The following CAMKMT variants were observed in gnomAD, a reference collection of about 807,000 sequenced individuals.
The protein encoded by CAMKMT is calmodulin-lysine N-methyltransferase.
Under a neutral mutation model 48.0 loss-of-function variants are expected in CAMKMT, and 53 were observed. The observed-to-expected ratio is 1.10, with a 90% CI of 0.89 to 1.39. The LOEUF is 1.39. Ranked by LOEUF, CAMKMT falls within the 40% of genes most tolerant of loss-of-function variation. The pLI is 0.00. For synonymous variants in CAMKMT, 165 were observed against 152.3 expected (o/e 1.08, Z -0.61); for missense variants, 428 against 402.7 (o/e 1.06, Z -0.54).
intron 3 of CAMKMT, among the ~76,000 whole-genome samples, chr2:44,652,629 G>A (rs957783729): frequency 2.6e-5 from 4 of 152,184 alleles, no homozygotes; most frequent in Admixed American, 6.5e-5. Flanking sequence ...AGTAACAAGC[G>A]CATGCACACA....
chr2:44,721,664 A>AC (rs1295607395), intron 7 of CAMKMT, among the ~76,000 whole-genome samples: 1 of 152,076 alleles, frequency 6.6e-6, no homozygotes, highest in African/African-American at 2.4e-5. Context: ...TATTTTCATC[A>AC]CCCCCAAAAG....
At chr2:44,396,114 C>G (rs953917993) in intron 3 of CAMKMT, among the ~76,000 whole-genome samples, 5 of 151,882 alleles carry the variant, frequency 3.3e-5, no homozygotes, top group African/African-American at 9.6e-5. Context: ...TACTATATGC[C>G]AAAATAAATT....
At chr2:44,528,180 AT>A (rs889339955) in intron 3 of CAMKMT, among the ~76,000 whole-genome samples, 5 of 151,692 alleles carry the variant, frequency 3.3e-5, no homozygotes, top group East Asian at 1.9e-4. Flanking sequence ...AAATATAAGC[AT>A]TTTTTTTCTT....
Position 44,705,723 on chromosome 2 carries a change from T to C in CAMKMT, c.438-564T>C, listed in dbSNP as rs1407196433. On this transcript the variant is annotated intron_variant, in intron 4 of 10. Coordinates refer to ENST00000378494, the MANE Select transcript of CAMKMT (RefSeq NM_024766.5). ...TGTGATTTAAGTGTTAATTGCTAAA[T>C]GCTCTTTGTGTAATTGTTCTTTATG... Among the ~76,000 whole-genome samples the C allele has an allele frequency of 2.6e-5, 4 of 152,214 alleles. No homozygotes were observed. The South Asian group carries it at 8.3e-4, about 32-fold the overall frequency.
intron 7 of CAMKMT, among the ~76,000 whole-genome samples, chr2:44,742,688 G>T (rs1384976313): frequency 6.6e-6 from 1 of 152,114 alleles, no homozygotes; most frequent in South Asian, 2.1e-4. Context: ...TATATGAAAA[G>T]AACTTTTGGG....
intron 3 of CAMKMT, among the ~76,000 whole-genome samples, chr2:44,663,530 G>C (rs944286426): frequency 6.6e-6 from 1 of 152,120 alleles, no homozygotes; most frequent in Admixed American, 6.5e-5. Flanking sequence ...CTTTTAAAAG[G>C]TTCATTATTC....
chr2:44,474,632 C>G (rs1668593124), intron 3 of CAMKMT, among the ~76,000 whole-genome samples: 1 of 152,068 alleles, frequency 6.6e-6, no homozygotes, highest in Non-Finnish European at 1.5e-5. Context: ...CCAACTAGAC[C>G]TATAATCTCT....
intron 3 of CAMKMT, among the ~76,000 whole-genome samples, chr2:44,420,380 A>AT (rs1253813697): frequency 1.3e-5 from 2 of 152,114 alleles, no homozygotes; most frequent in East Asian, 3.8e-4. Context: ...GGCAATATAT[A>AT]TGTAGAGATA....
intron 3 of CAMKMT, among the ~76,000 whole-genome samples, chr2:44,612,547 C>T (rs1170603761): frequency 1.3e-5 from 2 of 152,120 alleles, no homozygotes; most frequent in African/African-American, 4.8e-5. Flanking sequence ...TTTCCCTATT[C>T]TTAGGACTAA....
intron 3 of CAMKMT, among the ~76,000 whole-genome samples, chr2:44,479,308 G>T (rs1166541318): frequency 4.6e-5 from 7 of 152,050 alleles, no homozygotes; most frequent in Admixed American, 4.6e-4. Flanking sequence ...GTCTTGGTTG[G>T]TATGGCATGG....
intron 3 of CAMKMT, among the ~76,000 whole-genome samples, chr2:44,507,572 T>A (rs1670326725): frequency 1.3e-5 from 2 of 152,198 alleles, no homozygotes; most frequent in African/African-American, 4.8e-5. Flanking sequence ...AGTGATCTCC[T>A]CATCATTTTA....
At chr2:44,652,482 C>G (rs749407822) in intron 3 of CAMKMT, among the ~76,000 whole-genome samples, 5 of 152,286 alleles carry the variant, frequency 3.3e-5, no homozygotes, top group Non-Finnish European at 7.3e-5. Context: ...ATGACAACCC[C>G]TCTGGGGTCT....
At chr2:44,387,653 A>C (rs902681222) in intron 2 of CAMKMT, among the ~76,000 whole-genome samples, 8 of 151,914 alleles carry the variant, frequency 5.3e-5, no homozygotes, top group African/African-American at 1.9e-4. Context: ...AAGAGGTTCT[A>C]CTTTGATGTG....
intron 3 of CAMKMT, among the ~76,000 whole-genome samples, chr2:44,694,811 A>G (rs1453212946): frequency 6.6e-6 from 1 of 152,232 alleles, no homozygotes; most frequent in Non-Finnish European, 1.5e-5. Flanking sequence ...CAAAATGACC[A>G]TAGATATGCA....
intron 3 of CAMKMT, among the ~76,000 whole-genome samples, chr2:44,401,495 T>G (rs1682373898): frequency 6.6e-6 from 1 of 151,866 alleles, no homozygotes; most frequent in African/African-American, 2.4e-5. Flanking sequence ...AGGCGGAGGT[T>G]GCAGTGAGCT....
intron 3 of CAMKMT, among the ~76,000 whole-genome samples, chr2:44,400,375 C>T (rs1329818361): frequency 6.6e-6 from 1 of 151,882 alleles, no homozygotes; most frequent in Non-Finnish European, 1.5e-5. Flanking sequence ...ATCTAATGGC[C>T]CGAGTCTGAG....
intron 3 of CAMKMT, among the ~76,000 whole-genome samples, chr2:44,425,774 A>C (rs1032171565): frequency 6.7e-6 from 1 of 150,154 alleles, no homozygotes; most frequent in Non-Finnish European, 1.5e-5. Context: ...CTTGTTGCCC[A>C]GGCTGGAGTG....
chr2:44,370,511 C>T (rs1679064008), intron 1 of CAMKMT, among the ~76,000 whole-genome samples: 1 of 152,074 alleles, frequency 6.6e-6, no homozygotes, highest in Non-Finnish European at 1.5e-5. Context: ...ATAGTAACCT[C>T]CCTGTATCAC....
chr2:44,580,877 A>G (rs1286089453), intron 3 of CAMKMT, among the ~76,000 whole-genome samples: 1 of 152,240 alleles, frequency 6.6e-6, no homozygotes, highest in Admixed American at 6.5e-5. Context: ...TATTGATTGT[A>G]TAATCAGTAG....
Sources: allele counts gnomAD v4.1 joint callset (sites outside exome capture counted in the v4.1 genomes callset), GRCh38; gene constraint gnomAD v4.1.1; transcripts MANE v1.5; gene names NCBI Gene and HGNC (gene_info 2026-07-23, HGNC 2026-07-21).